Variants in KCNAB1 observed in about 807,000 individuals in gnomAD.
KCNAB1 encodes the protein potassium voltage-gated channel subfamily A regulatory beta subunit 1.
In KCNAB1, 35 loss-of-function variants were observed where a neutral mutation model predicts 64.6. The ratio of observed to expected loss-of-function variants is 0.54; its 90% CI spans 0.41 to 0.72. The LOEUF (loss-of-function observed/expected upper bound fraction) is 0.72. Ranked by LOEUF, KCNAB1 falls within the 30% of genes least tolerant of loss-of-function variation. The probability of loss-of-function intolerance (pLI) is 0.00; values close to 1 mark genes in which losing one functional copy is unlikely to be tolerated. For missense variants in KCNAB1, 401 were observed against 512.9 expected, an observed-to-expected ratio of 0.78 and a Z score of 2.11; for synonymous variants, 177 against 183.8, an observed-to-expected ratio of 0.96 and a Z score of 0.30.
At chr3:156,238,398 G>A (rs1185293190) in intron 1 of KCNAB1, among the ~76,000 whole-genome samples, 1 of 147,730 alleles carries the variant, frequency 6.8e-6, no homozygotes, top group Non-Finnish European at 1.5e-5. Flanking sequence ...CTCTGGCCTG[G>A]GTGAAAGAGC....
intron 1 of KCNAB1, chr3:156,227,746 T>A (rs1328737125): frequency 6.6e-6 from 1 of 152,238 alleles, no homozygotes; most frequent in African/African-American, 2.4e-5. Context: ...GGCACAGTGG[T>A]AAGTTCTCAC....
At chr3:156,474,703 T>C (rs1475048447) in intron 7 of KCNAB1, 31 bp from the exon 8 acceptor site, 1 of 1,531,934 alleles carries the variant, frequency 6.5e-7, no homozygotes. Flanking sequence ...ATATTTAGAT[T>C]TTGGGGTTTG....
rs566203408 is a variant in KCNAB1 at position 156,135,037 on chromosome 3, C to A, written c.275+14151C>A. Among the ~76,000 whole-genome samples the A allele has an allele frequency of 1.1e-3, 166 of 151,884 alleles. 1 individual carries two copies. The highest frequency in any genetic ancestry group is 3.9e-3 in the African/African-American group (161 of 41,400). On this transcript the variant is annotated intron_variant, in intron 1 of 13. Coordinates refer to ENST00000490337, the MANE Select transcript of KCNAB1 (RefSeq NM_172160.3). Reference sequence around the variant, plus strand: ...TTCACGGTGGAGTCTCACTCTGCTGCCCAGGCTGGAGTGCAGTGGCATAAT... The same window carrying A: ...TTCACGGTGGAGTCTCACTCTGCTGACCAGGCTGGAGTGCAGTGGCATAAT...
chr3:156,453,203 C>T, intron 3 of KCNAB1: 1 of 309,434 alleles, frequency 3.2e-6, no homozygotes, highest in Non-Finnish European at 5.9e-6. Context: ...ACATTAGTCA[C>T]TTTATGAAAA....
chr3:156,276,879 T>C (rs151157357), intron 1 of KCNAB1, among the ~76,000 whole-genome samples: 15 of 152,342 alleles, frequency 9.8e-5, no homozygotes, highest in East Asian at 7.7e-4. Flanking sequence ...ATCATTTATG[T>C]GTTCACTAGA....
At chr3:156,302,861 T>A (rs1327013354) in intron 1 of KCNAB1, among the ~76,000 whole-genome samples, 4 of 152,170 alleles carry the variant, frequency 2.6e-5, no homozygotes, top group Non-Finnish European at 5.9e-5. Context: ...TAAAAATATA[T>A]CTACCTCCAA....
At chr3:156,432,263 T>G (rs760082349) in intron 2 of KCNAB1, among the ~76,000 whole-genome samples, 6 of 152,188 alleles carry the variant, frequency 3.9e-5, no homozygotes, top group Non-Finnish European at 8.8e-5. Context: ...GCTCAGAGTT[T>G]TGTGAGTCAA....
intron 4 of KCNAB1, among the ~76,000 whole-genome samples, chr3:156,458,247 CAT>C (rs1712602068): frequency 6.6e-6 from 1 of 152,198 alleles, no homozygotes; most frequent in African/African-American, 2.4e-5. Flanking sequence ...AACCAGAACA[CAT>C]AGGAAATGCG....
chr3:156,396,114 T>C (rs1713445954), intron 1 of KCNAB1, among the ~76,000 whole-genome samples: 1 of 152,230 alleles, frequency 6.6e-6, no homozygotes, highest in African/African-American at 2.4e-5. Flanking sequence ...TAGCTGACTC[T>C]GAAAGGCTTA....
At chr3:156,523,474 T>A (rs1381456914) in intron 11 of KCNAB1, among the ~76,000 whole-genome samples, 1 of 152,212 alleles carries the variant, frequency 6.6e-6, no homozygotes. Context: ...AATGTACTTT[T>A]TTTTTTGCTA....
chr3:156,223,122 A>G (rs1379033404), intron 1 of KCNAB1, among the ~76,000 whole-genome samples: 1 of 152,152 alleles, frequency 6.6e-6, no homozygotes, highest in Non-Finnish European at 1.5e-5. Context: ...TCTGCTGTTC[A>G]GATGTGTTCA....
intron 1 of KCNAB1, among the ~76,000 whole-genome samples, chr3:156,163,080 T>A (rs1335020706): frequency 2.0e-5 from 3 of 152,246 alleles, no homozygotes; most frequent in Non-Finnish European, 2.9e-5. Flanking sequence ...ATTCACACTA[T>A]GCTATCCTAT....
chr3:156,142,346 A>G (rs1244730974), intron 1 of KCNAB1, among the ~76,000 whole-genome samples: 2 of 152,014 alleles, frequency 1.3e-5, no homozygotes, highest in Non-Finnish European at 2.9e-5. Flanking sequence ...GGTTCTGAGG[A>G]TTTTCTCCTG....
chr3:156,267,030 G>GA (rs371153626), intron 1 of KCNAB1, among the ~76,000 whole-genome samples: 100 of 146,078 alleles, frequency 6.8e-4, no homozygotes, highest in Middle Eastern at 3.6e-3. Context: ...TACTCAAGCA[G>GA]AAAAAAAAAA....
chr3:156,377,767 C>A (rs1011612845), intron 1 of KCNAB1, among the ~76,000 whole-genome samples: 3 of 151,946 alleles, frequency 2.0e-5, no homozygotes, highest in African/African-American at 7.2e-5. Flanking sequence ...GGGAAAATAG[C>A]TTTTCAAGTT....
In KCNAB1 at chr3:156,452,731, G is replaced by C. The variant is rs1422255405; in HGVS notation, c.320-168G>C. ...CTTCTGGAATACTTAGTGAGAAGAA[G>C]ACAGACTAGACCAACTAGACCACAG... On this transcript the variant is annotated intron_variant, in intron 2 of 13. Coordinates refer to ENST00000490337, the MANE Select transcript of KCNAB1 (RefSeq NM_172160.3). The surrounding 1 kb of genome is among the most constrained non-coding windows in gnomAD (Gnocchi z 4.6). Among the ~76,000 whole-genome samples, 1 of 152,168 alleles carries C rather than the reference G, an allele frequency of 6.6e-6. No homozygotes were observed. Among genetic ancestry groups the C allele is most frequent in the East Asian group, 1.9e-4 (1 of 5,188 alleles).
At chr3:156,164,703 C>T (rs1230645512) in intron 1 of KCNAB1, among the ~76,000 whole-genome samples, 2 of 152,132 alleles carry the variant, frequency 1.3e-5, no homozygotes, top group Non-Finnish European at 2.9e-5. Flanking sequence ...CTGGTCCGGG[C>T]CTCGGTACCA....
intron 1 of KCNAB1, among the ~76,000 whole-genome samples, chr3:156,159,176 T>C (rs904377768): frequency 1.3e-5 from 2 of 152,138 alleles, no homozygotes; most frequent in African/African-American, 2.4e-5. Flanking sequence ...ATCTGGAAAT[T>C]GGGAATGACA....
At chr3:156,143,508 C>G (rs1240078490) in intron 1 of KCNAB1, 1 of 807,576 alleles carries the variant, frequency 1.2e-6, no homozygotes, top group East Asian at 3.3e-5. Flanking sequence ...AATAGCAAGA[C>G]AAAACCCTGT....
Sources: gnomAD v4.1 joint callset for allele counts (sites outside exome capture counted in the v4.1 genomes callset) on GRCh38, gnomAD v4.1.1 for gene constraint, Gnocchi (gnomAD v3.1) non-coding constraint, MANE v1.5 for transcripts, NCBI Gene and HGNC (gene_info 2026-07-23, HGNC 2026-07-21) for gene names.